Variants in HFM1 observed in about 807,000 individuals in gnomAD.
HFM1 encodes helicase for meiosis 1, also known as probable ATP-dependent DNA helicase HFM1.
Under a neutral mutation model 192.1 loss-of-function variants are expected in HFM1, and 169 were observed. The observed-to-expected ratio is 0.88, with a 90% CI of 0.78 to 1.00. HFM1 has a LOEUF of 1.00. HFM1 is among the 50% of genes least tolerant of loss of function. The pLI is 0.00. For missense variants in HFM1, 1,661 were observed against 1,668.0 expected, an observed-to-expected ratio of 1.00 and a Z score of 0.07; for synonymous variants, 525 against 537.8, an observed-to-expected ratio of 0.98 and a Z score of 0.33.
chr1:91,379,536 T>G (rs1220859082), intron 8 of HFM1, among the ~76,000 whole-genome samples: 2 of 152,130 alleles, frequency 1.3e-5, no homozygotes, highest in Non-Finnish European at 2.9e-5. Context: ...AAATTTGTGC[T>G]GGGCCGCATT....
intron 13 of HFM1, 83 bp from the exon 14 acceptor site, chr1:91,353,382 G>A (rs1657226197): frequency 1.3e-6 from 1 of 766,080 alleles, no homozygotes; most frequent in South Asian, 2.2e-5. Flanking sequence ...TTAAAACTTA[G>A]AGATATCAAA....
chr1:91,369,956 T>C (rs572054317), intron 13 of HFM1, among the ~76,000 whole-genome samples: 73 of 152,218 alleles, frequency 4.8e-4, no homozygotes, highest in Non-Finnish European at 9.0e-4. Flanking sequence ...GAGAATACTA[T>C]AAACACCTCT....
chr1:91,372,023 C>T (rs912141896), intron 13 of HFM1, among the ~76,000 whole-genome samples: 2 of 152,144 alleles, frequency 1.3e-5, no homozygotes, highest in African/African-American at 4.8e-5. Flanking sequence ...AAATGAAAAT[C>T]AAAACCACAA....
chr1:91,283,189 T>G (rs1667620946), intron 30 of HFM1, among the ~76,000 whole-genome samples: 1 of 152,128 alleles, frequency 6.6e-6, no homozygotes, highest in Admixed American at 6.5e-5. Flanking sequence ...TATTAGCAAA[T>G]ATAAGCTTAC....
chr1:91,357,366 T>G (rs1212139541), intron 13 of HFM1, among the ~76,000 whole-genome samples: 2 of 152,252 alleles, frequency 1.3e-5, no homozygotes, highest in African/African-American at 4.8e-5. Context: ...ACCATCTCAA[T>G]TGGTGCAGAA....
In HFM1 at chr1:91,317,584, A is replaced by T. The variant is rs7513687; in HGVS notation, c.2813-1108T>A. On this transcript the variant is annotated intron_variant, in intron 25 of 38. Transcript: ENST00000370425. ...GAACAGTATAAAATTCCAAAATATTACTACTTTGTCTAAGGCACATATATT... is the reference window on the plus strand; with the variant it reads ...GAACAGTATAAAATTCCAAAATATTTCTACTTTGTCTAAGGCACATATATT... 3.3e-5 allele frequency among the ~76,000 whole-genome samples: 5 copies of T among 152,208 alleles called. No individual in the cohort carries two copies. The South Asian group carries it at 8.3e-4, about 25-fold the overall frequency.
In HFM1 at chr1:91,315,982, A is replaced by G. The variant is rs1248456668; in HGVS notation, c.2983-10T>C. 2 of 1,570,678 alleles carry G rather than the reference A, an allele frequency of 1.3e-6. No homozygotes were observed. Among genetic ancestry groups the G allele is most frequent in the Admixed American group, 1.7e-5 (1 of 58,332 alleles). Reference sequence around the variant, plus strand: ...CACTATATCTTGTAATCTTTAAAAAAGGACAAGTATAAAAAGTGTTAAAAA... The same window carrying G: ...CACTATATCTTGTAATCTTTAAAAAGGGACAAGTATAAAAAGTGTTAAAAA... On this transcript the variant is annotated splice_polypyrimidine_tract_variant and intron_variant, in intron 27 of 38. Transcript: ENST00000370425.
intron 30 of HFM1, among the ~76,000 whole-genome samples, chr1:91,292,961 C>G (rs1346025568): frequency 2.6e-5 from 4 of 152,160 alleles, no homozygotes; most frequent in African/African-American, 4.8e-5. Flanking sequence ...GAAAGGATTC[C>G]CTATTTAATA....
chr1:91,388,143 C>G (rs1051114434), intron 4 of HFM1, among the ~76,000 whole-genome samples: 1 of 152,036 alleles, frequency 6.6e-6, no homozygotes, highest in Admixed American at 6.6e-5. Context: ...GAGTTGTACC[C>G]TTTATAATAA....
At chr1:91,378,250 T>C in intron 10 of HFM1, 67 bp from the exon 11 acceptor site, 4 of 1,289,592 alleles carry the variant, frequency 3.1e-6, no homozygotes, top group Middle Eastern at 2.7e-4. Flanking sequence ...AATTAAAATA[T>C]TCAATAATAT....
At position 91,385,763 on chromosome 1, in the gene HFM1, C is replaced by T. The variant is rs746387661; in HGVS notation, c.566G>A (p.Gly189Asp). ...SNDNELDSHI[G>D]SVKIVQTEMN... ...TTCTGTTTGTACAATTTTCACTGAG[C>T]CAATGTGAGAGTCCAATTCATTGTC... Residue 189 changes from glycine (G) to aspartate (D), a missense_variant, in exon 5 of 39, where the codon GGC (glycine) becomes GAC (aspartate). Transcript: ENST00000370425. The T allele has an allele frequency of 1.9e-5, 30 of 1,609,036 alleles. No individual in the cohort carries two copies. The highest frequency in any genetic ancestry group is 1.7e-4 in the Middle Eastern group (1 of 6,048).
chr1:91,344,824 G>A (rs1005206291), intron 19 of HFM1, among the ~76,000 whole-genome samples: 4 of 145,650 alleles, frequency 2.7e-5, no homozygotes, highest in African/African-American at 7.7e-5. Context: ...ACAGCTCACT[G>A]CAGCCTCAAC....
chr1:91,327,165 G>A (rs1382802501), intron 20 of HFM1, among the ~76,000 whole-genome samples: 1 of 152,170 alleles, frequency 6.6e-6, no homozygotes, highest in Non-Finnish European at 1.5e-5. Context: ...GCAGGAGTAA[G>A]TTCCTACTTA....
chr1:91,357,188 G>A (rs1467660173), intron 13 of HFM1, among the ~76,000 whole-genome samples: 1 of 152,088 alleles, frequency 6.6e-6, no homozygotes, highest in Non-Finnish European at 1.5e-5. Flanking sequence ...GAATATTGAT[G>A]CAAAAATCCT....
At position 91,319,493 on chromosome 1, in the gene HFM1, CT is replaced by C. The variant is rs560521709; in HGVS notation, c.2583-104del. 4.1e-4 allele frequency: 288 copies of C among 698,692 alleles called. 2 individuals carry two copies. Among genetic ancestry groups the C allele is most frequent in the East Asian group, 3.4e-3 (129 of 37,416 alleles). 43.3% of individuals were successfully genotyped at this position (698,692 alleles called of 1,614,324 possible). ...ATTCCTTCTTAAAACTTTTCTCTGC[CT>C]TAATTTCTGCAATACTACATGATTA... On this transcript the variant is annotated intron_variant, in intron 23 of 38. Coordinates refer to ENST00000370425, the MANE Select transcript of HFM1 (RefSeq NM_001017975.6).
rs977997484 is a variant in HFM1 at position 91,295,251 on chromosome 1, C to T, written c.3391+18098G>A. 4.6e-5 allele frequency among the ~76,000 whole-genome samples: 7 copies of T among 152,032 alleles called. No homozygotes were observed. In the East Asian group the frequency reaches 5.8e-4, roughly 13 times the overall value. ...GAGTTCTTTATATATTATGTAAAATCGTTCTTTCCAGTGTATTAATTTGTT... is the reference window on the plus strand; with the variant it reads ...GAGTTCTTTATATATTATGTAAAATTGTTCTTTCCAGTGTATTAATTTGTT... On this transcript the variant is annotated intron_variant, in intron 30 of 38. Coordinates refer to ENST00000370425, the MANE Select transcript of HFM1 (RefSeq NM_001017975.6).
Position 91,378,487 on chromosome 1 carries a change from A to C in HFM1, c.1159-7T>G. 2.6e-6 allele frequency: 4 copies of C among 1,553,818 alleles called. No individual in the cohort carries two copies. The highest frequency in any genetic ancestry group is 3.5e-6 in the Non-Finnish European group (4 of 1,129,184). The stretch of plus-strand genomic sequence containing the variant: ...TCATGCTATCCCATTTTTCCTAGAG[A>C]GAAAAAAAAGCATACAAGTAGTTTA... On this transcript the variant is annotated splice_polypyrimidine_tract_variant and splice_region_variant and intron_variant, in intron 9 of 38. Coordinates refer to ENST00000370425, the MANE Select transcript of HFM1 (RefSeq NM_001017975.6).
intron 20 of HFM1, among the ~76,000 whole-genome samples, chr1:91,342,987 G>A (rs1270751696): frequency 1.3e-5 from 2 of 151,954 alleles, no homozygotes; most frequent in Non-Finnish European, 2.9e-5. Context: ...CAGCACTTTG[G>A]GAGCCCGAGG....
chr1:91,282,263 T>C (rs1667527508), intron 30 of HFM1, among the ~76,000 whole-genome samples: 1 of 152,218 alleles, frequency 6.6e-6, no homozygotes, highest in African/African-American at 2.4e-5. Flanking sequence ...ATTGACTTTA[T>C]GTTCGAGACC....
Sources: allele counts gnomAD v4.1 joint callset (sites outside exome capture counted in the v4.1 genomes callset), GRCh38; gene constraint gnomAD v4.1.1; transcripts MANE v1.5; gene names NCBI Gene and HGNC (gene_info 2026-07-23, HGNC 2026-07-21).